The following GPRC6A variants were observed in gnomAD, a reference collection of about 807,000 sequenced individuals.
The protein encoded by GPRC6A is G protein-coupled receptor family C group 6 member A.
Under a neutral mutation model 47.0 loss-of-function variants are expected in GPRC6A, and 54 were observed. The ratio of observed to expected loss-of-function variants is 1.15; its 90% CI spans 0.92 to 1.44. GPRC6A has a LOEUF of 1.44. GPRC6A is among the 40% of genes most tolerant of loss of function. The pLI, the probability that GPRC6A is intolerant of heterozygous loss-of-function variation, is 0.00. For missense variants in GPRC6A, 1,112 were observed against 1,105.5 expected (o/e 1.01, Z -0.08); for synonymous variants, 347 against 377.1 (o/e 0.92, Z 0.93).
At chr6:116,815,350 G>A (rs891208356) in intron 1 of GPRC6A, among the ~76,000 whole-genome samples, 1 of 152,178 alleles carries the variant, frequency 6.6e-6, no homozygotes, top group Non-Finnish European at 1.5e-5. Context: ...AGGCATGGTG[G>A]TACACACCTG....
At chr6:116,811,490 A>G (rs1447973642) in intron 1 of GPRC6A, among the ~76,000 whole-genome samples, 1 of 152,122 alleles carries the variant, frequency 6.6e-6, no homozygotes, top group Non-Finnish European at 1.5e-5. Flanking sequence ...GAACACAATA[A>G]TTCTCCAGAA....
intron 1 of GPRC6A, among the ~76,000 whole-genome samples, chr6:116,821,478 A>G (rs1210611023): frequency 1.3e-5 from 2 of 152,142 alleles, no homozygotes; most frequent in Non-Finnish European, 2.9e-5. Context: ...GGCGACAGTA[A>G]CCAAAACAGC....
intron 1 of GPRC6A, among the ~76,000 whole-genome samples, chr6:116,811,035 T>C (rs922784878): frequency 6.6e-6 from 1 of 152,162 alleles, no homozygotes; most frequent in Non-Finnish European, 1.5e-5. Flanking sequence ...CAGTGTATAC[T>C]GCCCTGGGAC....
In GPRC6A at chr6:116,826,546, A is replaced by C. The variant is rs75474350; in HGVS notation, c.194+2274T>G. Among the ~76,000 whole-genome samples, 297 of 152,030 alleles carry C rather than the reference A, an allele frequency of 2.0e-3. 4 individuals are homozygous for C. The East Asian group carries it at 0.032, about 16-fold the overall frequency. On this transcript the variant is annotated intron_variant, in intron 1 of 5. Transcript: ENST00000310357. ...AGACAAAAACAAAACAAAAACAAAA[A>C]CAAAAACAGATGCTGGCAAGGAGAT...
chr6:116,818,652 A>C (rs570212296), intron 1 of GPRC6A, among the ~76,000 whole-genome samples: 1 of 151,010 alleles, frequency 6.6e-6, no homozygotes, highest in African/African-American at 2.4e-5. Context: ...CAGACAAGCA[A>C]ATGCTGAGAG....
At chr6:116,801,656 A>AT (rs904357812) in intron 3 of GPRC6A, among the ~76,000 whole-genome samples, 10 of 152,122 alleles carry the variant, frequency 6.6e-5, no homozygotes, top group African/African-American at 2.2e-4. Context: ...GAGTGTTTCA[A>AT]TTTTTTGTCA....
At chr6:116,809,238 T>C in intron 2 of GPRC6A, 76 bp downstream of exon 2, 2 of 1,175,092 alleles carry the variant, frequency 1.7e-6, no homozygotes, top group South Asian at 2.9e-5. Context: ...CCTAACTAGT[T>C]TCCTCAGGTT....
At chr6:116,797,317 T>A (rs1036411321) in intron 4 of GPRC6A, among the ~76,000 whole-genome samples, 1 of 152,144 alleles carries the variant, frequency 6.6e-6, no homozygotes, top group Admixed American at 6.5e-5. Flanking sequence ...CCAGACATTG[T>A]TAGGGTCCCC....
chr6:116,822,632 A>G (rs1177271557), intron 1 of GPRC6A, among the ~76,000 whole-genome samples: 3 of 145,998 alleles, frequency 2.1e-5, no homozygotes, highest in Non-Finnish European at 4.5e-5. Context: ...AACACCGCAT[A>G]TTCTCACTTA....
At chr6:116,797,112 C>T (rs1487820984) in intron 4 of GPRC6A, among the ~76,000 whole-genome samples, 1 of 151,880 alleles carries the variant, frequency 6.6e-6, no homozygotes, top group East Asian at 1.9e-4. Flanking sequence ...CAATTCCCAC[C>T]TATGAGTGAG....
intron 1 of GPRC6A, among the ~76,000 whole-genome samples, chr6:116,822,953 C>A (rs993319724): frequency 6.6e-6 from 1 of 150,976 alleles, no homozygotes; most frequent in African/African-American, 2.4e-5. Context: ...ACCTCTGGGC[C>A]TGTGATGGGA....
chr6:116,817,329 G>C (rs1012964023), intron 1 of GPRC6A, among the ~76,000 whole-genome samples: 2 of 152,030 alleles, frequency 1.3e-5, no homozygotes, highest in African/African-American at 2.4e-5. Context: ...TGAGGGTCCT[G>C]TCTGTTAGAA....
At chr6:116,809,258 C>A in intron 2 of GPRC6A, 56 bp downstream of exon 2, 2 of 1,425,204 alleles carry the variant, frequency 1.4e-6, no homozygotes, top group Non-Finnish European at 1.9e-6. Flanking sequence ...TTCCCTGATC[C>A]TTTCATAATA....
Position 116,792,593 on chromosome 6 carries a change from T to C in GPRC6A, c.2330A>G (p.Asn777Ser), listed in dbSNP as rs771576271. The C allele has an allele frequency of 6.1e-6, 9 of 1,480,976 alleles. No homozygotes were observed. In the South Asian group the frequency reaches 7.0e-5, roughly 12 times the overall value. The allele number at this position is 1,480,976 out of a possible 1,614,324, so 91.7% of individuals were successfully genotyped here. Reference sequence around the variant, plus strand: ...TGTAATGAATTTGGCTTCATTGTAATTCTCATATTTGCCTTTGAAAGCAAA... The same window carrying C: ...TGTAATGAATTTGGCTTCATTGTAACTCTCATATTTGCCTTTGAAAGCAAA... ...FIFAFKGKYENYNEAKFITFG... is the reference protein window; with the variant it reads ...FIFAFKGKYESYNEAKFITFG... The change falls in exon 6 of 6, where the codon AAT becomes AGT. Residue 777 changes from asparagine to serine, a missense_variant. Physicochemically the swap from Asn to Ser is conservative, Grantham distance 46. Transcript: ENST00000310357.
At chr6:116,803,225 C>T (rs2114590070) in intron 3 of GPRC6A, among the ~76,000 whole-genome samples, 1 of 152,132 alleles carries the variant, frequency 6.6e-6, no homozygotes. Flanking sequence ...CTTAAATATC[C>T]ATATATACAT....
chr6:116,794,179 G>A (rs1772404213), intron 5 of GPRC6A, among the ~76,000 whole-genome samples: 1 of 152,150 alleles, frequency 6.6e-6, no homozygotes, highest in African/African-American at 2.4e-5. Flanking sequence ...ACACCCCACA[G>A]CCTGTACAAC....
At chr6:116,804,891 A>G (rs1772790381) in intron 3 of GPRC6A, among the ~76,000 whole-genome samples, 1 of 151,804 alleles carries the variant, frequency 6.6e-6, no homozygotes, top group African/African-American at 2.4e-5. Flanking sequence ...ACTGTTCTCT[A>G]TTTCTCTTTC....
chr6:116,815,223 C>T (rs375994525), intron 1 of GPRC6A, among the ~76,000 whole-genome samples: 24 of 152,322 alleles, frequency 1.6e-4, no homozygotes, highest in Middle Eastern at 3.4e-3. Context: ...TAGCTCACCC[C>T]TGTAATCCCA....
Position 116,807,064 on chromosome 6 carries a change from A to T in GPRC6A, c.641T>A (p.Ile214Lys). ...QKSGWNWIGI[I>K]TTDDDYGRLA... ...TCGTCCATAGTCATCATCTGTGGTT[A>T]TGATGCCAATCCAGTTCCAACCAGA... Residue 214 changes from isoleucine to lysine, a missense_variant, in exon 3 of 6, where the codon ATA becomes AAA. Transcript: ENST00000310357. 1 of 1,613,804 alleles carries T rather than the reference A, an allele frequency of 6.2e-7. No homozygotes were observed. The highest frequency in any genetic ancestry group is 8.5e-7 in the Non-Finnish European group (1 of 1,179,764).
Sources: allele counts gnomAD v4.1 joint callset (sites outside exome capture counted in the v4.1 genomes callset), GRCh38; gene constraint gnomAD v4.1.1; transcripts MANE v1.5; gene names NCBI Gene and HGNC (gene_info 2026-07-23, HGNC 2026-07-21).